The following PRRG1 variants were observed in gnomAD, a reference collection of about 807,000 sequenced individuals.
The protein encoded by PRRG1 is transmembrane gamma-carboxyglutamic acid protein 1.
PRRG1 carries 5 observed loss-of-function variants against 11.8 expected under a neutral mutation model. The ratio of observed to expected loss-of-function variants is 0.42; its 90% CI spans 0.22 to 0.89. The LOEUF is 0.89. PRRG1 is among the 40% of genes least tolerant of loss of function. PRRG1 has a pLI of 0.28. For missense variants in PRRG1, 155 were observed against 166.1 expected (o/e 0.93, Z 0.37); for synonymous variants, 66 against 60.4 (o/e 1.09, Z -0.43).
In PRRG1 at chrX:37,453,370, G is replaced by T; in HGVS notation, c.406G>T (p.Asp136Tyr). Residue 136 changes from aspartate (D) to tyrosine (Y), a missense_variant, in exon 4 of 4, where the codon GAT (aspartate) becomes TAT (tyrosine). Transcript: ENST00000378628. ...TATTATCACCCCACCCCCCCCACCAGATGAAGTGTTTGACAGCAGTGGATT... is the reference window on the plus strand; with the variant it reads ...TATTATCACCCCACCCCCCCCACCATATGAAGTGTTTGACAGCAGTGGATT... ...LNIITPPPPPDEVFDSSGLSP... is the reference protein window; with the variant it reads ...LNIITPPPPPYEVFDSSGLSP... The T allele has an allele frequency of 8.3e-7, 1 of 1,204,696 alleles. No individual in the cohort carries two copies. The highest frequency in any genetic ancestry group is 1.1e-6 in the Non-Finnish European group (1 of 892,414).
chrX:37,409,554 G>A (rs1401725298), intron 2 of PRRG1, among the ~76,000 whole-genome samples: 1 of 112,525 alleles, frequency 8.9e-6, no homozygotes, highest in African/African-American at 3.2e-5. Flanking sequence ...CATTTTCACT[G>A]TGTTGACCAC....
At chrX:37,438,750 T>C (rs1019494425) in intron 3 of PRRG1, among the ~76,000 whole-genome samples, 1 of 111,810 alleles carries the variant, frequency 8.9e-6, no homozygotes, top group South Asian at 3.8e-4. Context: ...TTCTCTTTTT[T>C]AATACATAAA....
intron 2 of PRRG1, among the ~76,000 whole-genome samples, chrX:37,421,746 G>A (rs10522041): frequency 0.036 from 3,997 of 112,230 alleles, 174 homozygotes; most frequent in African/African-American, 0.12. Flanking sequence ...AAATAATCTA[G>A]TTCTGGTATC....
At chrX:37,356,541 T>C (rs1930239814) in intron 1 of PRRG1, among the ~76,000 whole-genome samples, 3 of 108,309 alleles carry the variant, frequency 2.8e-5, no homozygotes, top group Non-Finnish European at 3.8e-5. Flanking sequence ...ATTGTGGGAG[T>C]GGTGGGAAGA....
At chrX:37,376,129 G>C (rs1322209355) in intron 1 of PRRG1, among the ~76,000 whole-genome samples, 1 of 111,007 alleles carries the variant, frequency 9.0e-6, no homozygotes, top group Non-Finnish European at 1.9e-5. Context: ...TTCTGAACCA[G>C]AAAATGAAAG....
intron 1 of PRRG1, among the ~76,000 whole-genome samples, chrX:37,383,462 A>G (rs1476120277): frequency 9.0e-6 from 1 of 111,188 alleles, no homozygotes; most frequent in African/African-American, 3.3e-5. Flanking sequence ...GTAATGTGAT[A>G]TTCTTAAACA....
Position 37,453,628 on chromosome X carries a change from A to G in PRRG1, c.*7A>G. 1 of 1,153,093 alleles carries G rather than the reference A, an allele frequency of 8.7e-7. No homozygotes were observed. Among genetic ancestry groups the G allele is most frequent in the South Asian group, 2.1e-5 (1 of 47,547 alleles). ...GGTCACCACCATCAAATGAAGCTGC[A>G]AACTTCTTTTTACTCTAATCATTTT... is the stretch of plus-strand genomic sequence containing the variant. On this transcript the variant is annotated 3_prime_UTR_variant, in exon 4 of 4. Coordinates refer to ENST00000378628, the MANE Select transcript of PRRG1 (RefSeq NM_001142395.2).
intron 3 of PRRG1, chrX:37,442,085 G>A (rs1039091461): frequency 2.2e-4 from 171 of 764,477 alleles, no homozygotes; most frequent in Non-Finnish European, 2.6e-4. Context: ...GCCAAGATGG[G>A]CCCCACAGCC....
At chrX:37,412,853 T>C (rs1248028410) in intron 2 of PRRG1, among the ~76,000 whole-genome samples, 1 of 111,649 alleles carries the variant, frequency 9.0e-6, no homozygotes, top group Admixed American at 9.5e-5. Context: ...ACTTTAGCAC[T>C]ATTGATTTTT....
intron 3 of PRRG1, 145 bp from the exon 4 acceptor site, chrX:37,452,991 A>G (rs1921202318): frequency 1.2e-5 from 7 of 601,408 alleles, no homozygotes; most frequent in Non-Finnish European, 1.5e-5. Context: ...CACATGGAAA[A>G]TATAGACTTG....
intron 1 of PRRG1, among the ~76,000 whole-genome samples, chrX:37,401,429 C>A (rs1221096548): frequency 1.0e-3 from 111 of 111,347 alleles, no homozygotes; most frequent in African/African-American, 3.5e-3. Context: ...TGACAAAATT[C>A]AACAACCCTT....
chrX:37,408,050 A>C (rs1338029495), intron 2 of PRRG1, among the ~76,000 whole-genome samples: 4 of 112,131 alleles, frequency 3.6e-5, no homozygotes, highest in Non-Finnish European at 7.5e-5. Flanking sequence ...CGAAATTTTA[A>C]AACTAAATGA....
intron 3 of PRRG1, chrX:37,441,915 C>G (rs992310641): frequency 1.7e-4 from 130 of 769,050 alleles, no homozygotes; most frequent in Non-Finnish European, 2.0e-4. Context: ...CCCAGCTATG[C>G]GACTTCCTGG....
chrX:37,431,763 TTTG>T (rs1211025579), intron 3 of PRRG1, among the ~76,000 whole-genome samples: 9 of 111,496 alleles, frequency 8.1e-5, no homozygotes, highest in African/African-American at 2.3e-4. Flanking sequence ...ACAATGTTTT[TTTG>T]TTGTTGTTGT....
chrX:37,394,329 G>T (rs782208790), intron 1 of PRRG1, among the ~76,000 whole-genome samples: 7 of 111,953 alleles, frequency 6.3e-5, no homozygotes, highest in Non-Finnish European at 1.1e-4. Context: ...ACACCACGAG[G>T]AGGGAATGAA....
chrX:37,384,590 C>A (rs1023694232), intron 1 of PRRG1, among the ~76,000 whole-genome samples: 2 of 111,729 alleles, frequency 1.8e-5, no homozygotes, highest in African/African-American at 6.5e-5. Context: ...TTATACAGAA[C>A]TCATAAGTTT....
intron 1 of PRRG1, among the ~76,000 whole-genome samples, chrX:37,359,232 A>G (rs1404304207): frequency 1.8e-5 from 2 of 111,268 alleles, no homozygotes; most frequent in East Asian, 5.6e-4. Context: ...GAATGCTTCA[A>G]GTCTTGCACC....
chrX:37,441,506 A>T, intron 3 of PRRG1: 2 of 755,735 alleles, frequency 2.6e-6, no homozygotes, highest in Non-Finnish European at 3.1e-6. Flanking sequence ...TGCTCACCAC[A>T]TCCCAAGGTG....
chrX:37,417,496 A>C (rs1481048812), intron 2 of PRRG1, among the ~76,000 whole-genome samples: 3 of 111,974 alleles, frequency 2.7e-5, no homozygotes, highest in African/African-American at 9.7e-5. Flanking sequence ...TTAACTTTTA[A>C]TTTTCAGAAA....
Sources: allele counts gnomAD v4.1 joint callset (sites outside exome capture counted in the v4.1 genomes callset), GRCh38; gene constraint gnomAD v4.1.1; transcripts MANE v1.5; gene names NCBI Gene and HGNC (gene_info 2026-07-23, HGNC 2026-07-21).